The following GABPB1 variants were observed in gnomAD, a reference collection of about 807,000 sequenced individuals.
GABPB1 encodes GA-binding protein subunit beta-1.
Under a neutral mutation model 45.9 loss-of-function variants are expected in GABPB1, and 15 were observed. The ratio of observed to expected loss-of-function variants is 0.33; its 90% CI spans 0.22 to 0.50. The LOEUF is 0.50. Ranked by LOEUF, GABPB1 falls within the 20% of genes least tolerant of loss-of-function variation. The pLI is 0.98. For missense variants in GABPB1, 252 were observed against 457.5 expected (o/e 0.55, Z 4.10); for synonymous variants, 143 against 154.4 (o/e 0.93, Z 0.55).
chr15:50,312,182 T>A (rs1234948612), intron 1 of GABPB1, among the ~76,000 whole-genome samples: 7 of 150,140 alleles, frequency 4.7e-5, no homozygotes, highest in African/African-American at 1.7e-4. Flanking sequence ...CTGTCTCTAC[T>A]AAAAATTCAA....
chr15:50,317,273 C>T lies in GABPB1; in HGVS notation c.1-7475G>A, dbSNP rs1240255431. Among the ~76,000 whole-genome samples the T allele has an allele frequency of 2.0e-5, 3 of 151,884 alleles. No homozygotes were observed. In the East Asian group the frequency reaches 5.8e-4, roughly 29 times the overall value. On this transcript the variant is annotated intron_variant, in intron 1 of 8. Transcript: ENST00000380877. The stretch of plus-strand genomic sequence containing the variant: ...TAAAAGAATTAGCTGGGTGTGGTGG[C>T]TGACGCCTGTAATCCCAGCTACTCC...
chr15:50,304,665 C>T (rs1189262889), intron 2 of GABPB1, among the ~76,000 whole-genome samples: 4 of 150,334 alleles, frequency 2.7e-5, no homozygotes, highest in African/African-American at 4.9e-5. Flanking sequence ...GAGCCGAGAT[C>T]GCGCCACTGC....
rs2046346196 is a variant in GABPB1, at chr15:50,291,659, C to T, written c.698-1991G>A. ...AAAAAATCTTTCTATCTGGCTCATG[C>T]CTATAATACCAGCACTCCAGGAGGC... On this transcript the variant is annotated intron_variant, in intron 6 of 8. Coordinates refer to ENST00000380877, the MANE Select transcript of GABPB1 (RefSeq NM_016654.5). Among the ~76,000 whole-genome samples the T allele has an allele frequency of 2.6e-5, 4 of 151,904 alleles. 1 individual carries two copies. The South Asian group carries it at 8.4e-4, about 32-fold the overall frequency.
rs2045836719 is a variant in GABPB1, at chr15:50,276,191, A to T, written c.*2441T>A. The T allele has an allele frequency of 6.6e-6, 1 of 152,258 alleles. No individual in the cohort carries two copies. The highest frequency in any genetic ancestry group is 2.1e-4 in the South Asian group (1 of 4,836). The allele number at this position is 152,258 out of a possible 1,614,324, so 9.4% of individuals were successfully genotyped here. A position where few individuals can be genotyped will look rare whatever the true frequency, so the allele number is the denominator to read the frequency against. On this transcript the variant is annotated 3_prime_UTR_variant, in exon 9 of 9. Coordinates refer to ENST00000380877, the MANE Select transcript of GABPB1 (RefSeq NM_016654.5). ...CTACAAATCCATCACTATGTAGTGG[A>T]AACAATTATGTGGATTTCTGAAAAC...
chr15:50,328,276 T>C (rs2047838500), intron 1 of GABPB1, among the ~76,000 whole-genome samples: 1 of 152,130 alleles, frequency 6.6e-6, no homozygotes, highest in Admixed American at 6.5e-5. Context: ...CTTACACATG[T>C]TGTATTTGGT....
chr15:50,299,065 T>C (rs751211345), intron 6 of GABPB1, among the ~76,000 whole-genome samples: 2 of 152,100 alleles, frequency 1.3e-5, no homozygotes, highest in Non-Finnish European at 2.9e-5. Context: ...TAAAGCTTTC[T>C]GGTGAGGAAT....
At chr15:50,334,032 AAAAAAAAAAAAAG>A (rs2141133373) in intron 1 of GABPB1, among the ~76,000 whole-genome samples, 1 of 148,926 alleles carries the variant, frequency 6.7e-6, no homozygotes, top group Admixed American at 6.7e-5. Context: ...CTCGATCTCA[AAAAAAAAAAAAAG>A]AAAAAGAAAA....
intron 6 of GABPB1, among the ~76,000 whole-genome samples, chr15:50,299,799 T>G (rs1180893435): frequency 6.6e-6 from 1 of 151,916 alleles, no homozygotes; most frequent in Non-Finnish European, 1.5e-5. Context: ...TTAAAATTTA[T>G]GAAAAAAGTG....
Position 50,304,098 on chromosome 15 carries a change from A to G in GABPB1, c.144T>C (p.Tyr48=). The change falls in exon 3 of 9, where the codon TAT becomes TAC. Residue 48 remains tyrosine, a synonymous_variant. Coordinates refer to ENST00000380877, the MANE Select transcript of GABPB1 (RefSeq NM_016654.5). ...GTACCTCTGTGGTGGAATAATGACC[A>G]TACTGTGCTGCTAGATGAAGTGGAG... is the stretch of plus-strand genomic sequence containing the variant. The part of the protein sequence containing the change: ...GTSPLHLAAQ[Y]GHYSTTEVLL... 1 of 1,609,664 alleles carries G rather than the reference A, an allele frequency of 6.2e-7. No individual in the cohort carries two copies. Among genetic ancestry groups the G allele is most frequent in the South Asian group, 1.1e-5 (1 of 89,854 alleles).
At chr15:50,337,598 C>T (rs140064498) in intron 1 of GABPB1, among the ~76,000 whole-genome samples, 12 of 151,808 alleles carry the variant, frequency 7.9e-5, no homozygotes, top group Admixed American at 5.3e-4. Flanking sequence ...ACCTCATCTC[C>T]ACCAAAAAAT....
intron 8 of GABPB1, among the ~76,000 whole-genome samples, chr15:50,282,783 A>G (rs2140968424): frequency 6.6e-6 from 1 of 152,306 alleles, no homozygotes; most frequent in African/African-American, 2.4e-5. Context: ...AGCCGTGCGC[A>G]GTGGCTCATG....
chr15:50,292,786 T>TG (rs945089015), intron 6 of GABPB1, among the ~76,000 whole-genome samples: 2 of 152,000 alleles, frequency 1.3e-5, no homozygotes, highest in African/African-American at 2.4e-5. Context: ...AAAGTAAAGG[T>TG]GAAGTATCAT....
chr15:50,330,031 G>A (rs1485010975), intron 1 of GABPB1, among the ~76,000 whole-genome samples: 1 of 150,588 alleles, frequency 6.6e-6, no homozygotes, highest in Non-Finnish European at 1.5e-5. Context: ...CTCAGCCTCC[G>A]AAGTAGCTGG....
intron 1 of GABPB1, among the ~76,000 whole-genome samples, chr15:50,318,892 CAG>C (rs1021205438): frequency 3.3e-5 from 5 of 152,056 alleles, no homozygotes; most frequent in African/African-American, 1.2e-4. Flanking sequence ...CACACACACA[CAG>C]AGATATGCAC....
intron 6 of GABPB1, among the ~76,000 whole-genome samples, chr15:50,299,689 G>A (rs563983047): frequency 8.5e-4 from 130 of 152,184 alleles, no homozygotes; most frequent in Middle Eastern, 3.4e-3. Flanking sequence ...GCAAGCCACC[G>A]CACCCAGCCA....
chr15:50,313,792 T>C lies in GABPB1; in HGVS notation c.1-3994A>G, dbSNP rs887536057. Among the ~76,000 whole-genome samples, 4 of 152,260 alleles carry C rather than the reference T, an allele frequency of 2.6e-5. No homozygotes were observed. In the East Asian group the frequency reaches 7.7e-4, roughly 29 times the overall value. ...TAACAATTGTTTAGGATGGTATGAT[T>C]ATGGGAAATTTTGTCATTTTACAAA... is the stretch of plus-strand genomic sequence containing the variant. On this transcript the variant is annotated intron_variant, in intron 1 of 8. Transcript: ENST00000380877.
chr15:50,285,099 C>G (rs1034732435), intron 8 of GABPB1, among the ~76,000 whole-genome samples: 1 of 152,022 alleles, frequency 6.6e-6, no homozygotes, highest in African/African-American at 2.4e-5. Flanking sequence ...CTTTTAGTGA[C>G]TTATTTTAAA....
At chr15:50,350,969 C>T (rs1323162398) in intron 1 of GABPB1, 1 of 152,064 alleles carries the variant, frequency 6.6e-6, no homozygotes, top group Non-Finnish European at 1.5e-5. Context: ...TCAACTTTTT[C>T]TCATTTCCAT....
At chr15:50,305,309 T>G (rs2046907006) in intron 2 of GABPB1, among the ~76,000 whole-genome samples, 1 of 146,036 alleles carries the variant, frequency 6.8e-6, no homozygotes, top group African/African-American at 2.6e-5. Flanking sequence ...GATAGAGAGA[T>G]AGATATATTT....
Sources: gnomAD v4.1 joint callset for allele counts (sites outside exome capture counted in the v4.1 genomes callset) on GRCh38, gnomAD v4.1.1 for gene constraint, MANE v1.5 for transcripts, NCBI Gene and HGNC (gene_info 2026-07-23, HGNC 2026-07-21) for gene names.